GBF1: variants seen among roughly 807,000 people sequenced by gnomAD.
GBF1 encodes golgi brefeldin A resistant guanine nucleotide exchange factor 1, also known as Golgi-specific brefeldin A-resistance guanine nucleotide exchange factor 1.
Under a neutral mutation model 210.5 loss-of-function variants are expected in GBF1, and 114 were observed. The ratio of observed to expected loss-of-function variants is 0.54; its 90% CI spans 0.47 to 0.63. The LOEUF (loss-of-function observed/expected upper bound fraction) is 0.63. GBF1 is among the 30% of genes least tolerant of loss of function. The pLI, the probability that GBF1 is intolerant of heterozygous loss-of-function variation, is 0.00. For synonymous variants in GBF1, 850 were observed against 889.2 expected (o/e 0.96, Z 0.78); for missense variants, 1,851 against 2,357.7 (o/e 0.79, Z 4.45).
At chr10:102,233,632 T>A in the GBF1 span, among the ~76,000 whole-genome samples, 1 of 152,056 alleles carries the variant, frequency 6.6e-6, no homozygotes, top group Admixed American at 6.6e-5. Flanking sequence ...TGAAGAGATT[T>A]CATTTGAAAG....
At position 102,369,928 on chromosome 10, in the gene GBF1, C is replaced by T. The variant is rs374309391; in HGVS notation, c.3283C>T (p.Arg1095Trp). Residue 1095 changes from arginine (R) to tryptophan (W), a missense_variant, in exon 26 of 40, where the codon CGG (arginine) becomes TGG (tryptophan). By Grantham distance (101) the Arg-to-Trp change is moderately radical. Coordinates refer to ENST00000369983, the MANE Select transcript of GBF1 (RefSeq NM_001377137.1). ...GAGTGGTCCTGAGCAGTCTAGTGTTCGGGGCCCATCCACTGAAAACCAAGA... is the reference window on the plus strand; with the variant it reads ...GAGTGGTCCTGAGCAGTCTAGTGTTTGGGGCCCATCCACTGAAAACCAAGA... ...TLSGPEQSSV[R>W]GPSTENQEAK... The T allele has an allele frequency of 9.9e-6, 16 of 1,613,850 alleles. No homozygotes were observed. The highest frequency in any genetic ancestry group is 5.0e-5 in the Admixed American group (3 of 59,982).
intron 3 of GBF1, among the ~76,000 whole-genome samples, chr10:102,290,035 C>T (rs1439464539): frequency 6.6e-6 from 1 of 152,028 alleles, no homozygotes; most frequent in Non-Finnish European, 1.5e-5. Context: ...TGCTTGAGCC[C>T]AGGAGGTCAA....
At chr10:102,382,015 A>G in intron 39 of GBF1, 41 bp from the exon 40 acceptor site, 1 of 1,503,084 alleles carries the variant, frequency 6.7e-7, no homozygotes. Flanking sequence ...GTCTTGTACC[A>G]ACAAGGGAAT....
chr10:102,304,386 A>T (rs531563378), intron 3 of GBF1, among the ~76,000 whole-genome samples: 4 of 152,280 alleles, frequency 2.6e-5, no homozygotes, highest in African/African-American at 7.2e-5. Context: ...AGATATATAT[A>T]TTTTTTAAAT....
intron 1 of GBF1, among the ~76,000 whole-genome samples, chr10:102,249,831 A>C (rs2071284672): frequency 6.6e-6 from 1 of 151,970 alleles, no homozygotes; most frequent in African/African-American, 2.4e-5. Flanking sequence ...AGCTGGGACT[A>C]CAGGTGCACG....
intron 3 of GBF1, among the ~76,000 whole-genome samples, chr10:102,325,893 A>T (rs1205315309): frequency 6.6e-6 from 1 of 152,088 alleles, no homozygotes; most frequent in East Asian, 1.9e-4. Flanking sequence ...CAAGTGATCC[A>T]CCTGCCTCGG....
intron 3 of GBF1, among the ~76,000 whole-genome samples, chr10:102,303,647 C>T (rs948229910): frequency 6.6e-6 from 1 of 152,160 alleles, no homozygotes; most frequent in African/African-American, 2.4e-5. Context: ...TCAGGCAGCT[C>T]ACACCACGCA....
chr10:102,357,047 T>G (rs1384337684), intron 8 of GBF1, among the ~76,000 whole-genome samples: 1 of 152,098 alleles, frequency 6.6e-6, no homozygotes, highest in African/African-American at 2.4e-5. Flanking sequence ...GTCTCATTGA[T>G]ATAACAAATT....
At chr10:102,323,109 T>C (rs986538713) in intron 3 of GBF1, among the ~76,000 whole-genome samples, 1 of 151,836 alleles carries the variant, frequency 6.6e-6, no homozygotes, top group Non-Finnish European at 1.5e-5. Context: ...GCTGCGGCTG[T>C]GGTTTGGATG....
rs143828397 is a variant in GBF1 at position 102,300,406 on chromosome 10, A to G, written c.163+40290A>G. Among the ~76,000 whole-genome samples, 292 of 152,342 alleles carry G rather than the reference A, an allele frequency of 1.9e-3. 1 individual carries two copies. The highest frequency in any genetic ancestry group is 6.6e-3 in the African/African-American group (276 of 41,582). On this transcript the variant is annotated intron_variant, in intron 3 of 39. Coordinates refer to ENST00000369983, the MANE Select transcript of GBF1 (RefSeq NM_001377137.1). ...AAGCATTATTCAACAGCTAAAAAAA[A>G]AGTTAAGGTCGCAGTGGCATTGTAG... is the stretch of plus-strand genomic sequence containing the variant.
intron 1 of GBF1, among the ~76,000 whole-genome samples, chr10:102,254,666 G>A (rs182270167): frequency 1.7e-3 from 252 of 152,132 alleles, no homozygotes; most frequent in Non-Finnish European, 2.8e-3. Context: ...AGAGTCTCTG[G>A]GCCAGTGGCT....
rs1381637888 is a variant in GBF1 at position 102,379,624 on chromosome 10, C to T, written c.4749C>T (p.Ala1583=). The T allele has an allele frequency of 5.0e-6, 8 of 1,613,994 alleles. No homozygotes were observed. In the Admixed American group the frequency reaches 6.7e-5, roughly 13 times the overall value. ...LLVHDLQKLD[A]LEWESCFNKV... The stretch of plus-strand genomic sequence containing the variant: ...TACATGATCTGCAAAAGCTAGATGC[C>T]CTGGAATGGGAGTCCTGTTTTAACA... Residue 1583 remains alanine (A), a synonymous_variant, in exon 35 of 40, where the codon GCC becomes GCT. Transcript: ENST00000369983.
At chr10:102,331,140 A>T (rs2057305693) in intron 3 of GBF1, among the ~76,000 whole-genome samples, 4 of 152,004 alleles carry the variant, frequency 2.6e-5, no homozygotes, top group African/African-American at 9.7e-5. Flanking sequence ...CTCTAAGGAG[A>T]GGTTGAGCTG....
intron 3 of GBF1, among the ~76,000 whole-genome samples, chr10:102,337,156 A>G (rs143362828): frequency 3.9e-5 from 6 of 151,900 alleles, no homozygotes; most frequent in African/African-American, 1.2e-4. Flanking sequence ...AGGTGGGCGG[A>G]TCACGAGGTC....
chr10:102,269,036 C>T (rs1054822137), intron 3 of GBF1, among the ~76,000 whole-genome samples: 3 of 152,188 alleles, frequency 2.0e-5, no homozygotes, highest in African/African-American at 7.2e-5. Flanking sequence ...GGCCTTTATT[C>T]CTTTCCTTTA....
intron 1 of GBF1, among the ~76,000 whole-genome samples, chr10:102,252,268 G>A (rs2071638186): frequency 6.6e-6 from 1 of 151,718 alleles, no homozygotes; most frequent in African/African-American, 2.4e-5. Context: ...AACCTGGGAG[G>A]CAGAGGTTAC....
At chr10:102,377,899 T>A (rs1811770622) in intron 33 of GBF1, among the ~76,000 whole-genome samples, 1 of 152,044 alleles carries the variant, frequency 6.6e-6, no homozygotes, top group Admixed American at 6.6e-5. Flanking sequence ...GGAGAACCAA[T>A]TGCCTTAAAT....
intron 3 of GBF1, among the ~76,000 whole-genome samples, chr10:102,306,713 C>T (rs1022362371): frequency 2.6e-5 from 4 of 152,212 alleles, no homozygotes; most frequent in Admixed American, 1.3e-4. Flanking sequence ...CGTGAGCCAC[C>T]GCACCCAGCC....
intron 36 of GBF1, 51 bp downstream of exon 36, chr10:102,380,005 C>T (rs772902915): frequency 1.2e-5 from 15 of 1,287,926 alleles, no homozygotes; most frequent in African/African-American, 5.8e-5. Flanking sequence ...TGCCTTTTCC[C>T]GAGGAGGGAA....
Sources: gnomAD v4.1 joint callset for allele counts (sites outside exome capture counted in the v4.1 genomes callset) on GRCh38, gnomAD v4.1.1 for gene constraint, MANE v1.5 for transcripts, NCBI Gene and HGNC (gene_info 2026-07-23, HGNC 2026-07-21) for gene names.